Variants in PLXDC2 observed in about 807,000 individuals in gnomAD.
PLXDC2 encodes the protein plexin domain containing 2.
Under a neutral mutation model 68.9 loss-of-function variants are expected in PLXDC2, and 40 were observed. The observed-to-expected ratio is 0.58, with a 90% CI of 0.45 to 0.76. PLXDC2 has a LOEUF of 0.76. PLXDC2 is among the 30% of genes least tolerant of loss of function. PLXDC2 has a pLI of 0.00. For missense variants in PLXDC2, 644 were observed against 661.9 expected (o/e 0.97, Z 0.30); for synonymous variants, 243 against 234.2 (o/e 1.04, Z -0.34).
At chr10:19,858,430 A>T (rs1046451870) in intron 1 of PLXDC2, among the ~76,000 whole-genome samples, 3 of 152,236 alleles carry the variant, frequency 2.0e-5, no homozygotes, top group Admixed American at 6.5e-5. Context: ...GAAGGGAAGA[A>T]TTCTTGAAAT....
At chr10:20,086,020 T>C (rs1490685418) in intron 4 of PLXDC2, among the ~76,000 whole-genome samples, 1 of 152,232 alleles carries the variant, frequency 6.6e-6, no homozygotes, top group African/African-American at 2.4e-5. Flanking sequence ...GCTTGACAAA[T>C]TCAGATTTAG....
chr10:19,928,583 G>T (rs964162498), intron 1 of PLXDC2, among the ~76,000 whole-genome samples: 1 of 152,084 alleles, frequency 6.6e-6, no homozygotes, highest in Non-Finnish European at 1.5e-5. Context: ...AGACCATCCC[G>T]TGATGAAGTG....
intron 6 of PLXDC2, among the ~76,000 whole-genome samples, chr10:20,149,386 G>GC (rs968486823): frequency 7.3e-5 from 11 of 151,662 alleles, no homozygotes; most frequent in Admixed American, 4.6e-4. Flanking sequence ...TTACAGGCAT[G>GC]CACCACCATG....
chr10:20,045,337 AT>A (rs1305890116), intron 2 of PLXDC2, among the ~76,000 whole-genome samples: 1 of 152,092 alleles, frequency 6.6e-6, no homozygotes, highest in Non-Finnish European at 1.5e-5. Context: ...CACCCGGCTA[AT>A]TTTTGTATTT....
intron 1 of PLXDC2, among the ~76,000 whole-genome samples, chr10:19,841,225 C>T (rs1027689656): frequency 3.9e-5 from 6 of 152,090 alleles, no homozygotes; most frequent in African/African-American, 1.4e-4. Flanking sequence ...ATTCATTTGA[C>T]CATCATCACA....
At chr10:20,176,229 T>G (rs11011840) in intron 7 of PLXDC2, among the ~76,000 whole-genome samples, 39,801 of 151,940 alleles carry the variant, frequency 0.26, 6,013 homozygotes, top group East Asian at 0.49. Context: ...ATTTTTAAAG[T>G]GATTTAACTT....
chr10:19,890,820 G>A (rs79487053), intron 1 of PLXDC2, among the ~76,000 whole-genome samples: 2,604 of 149,332 alleles, frequency 0.017, 29 homozygotes, highest in Admixed American at 0.026. Context: ...AGTTAGATGT[G>A]TATGCATCTG....
intron 9 of PLXDC2, among the ~76,000 whole-genome samples, chr10:20,179,055 A>G (rs2131827964): frequency 6.6e-6 from 1 of 152,270 alleles, no homozygotes; most frequent in South Asian, 2.1e-4. Context: ...AGGGAATCTA[A>G]AGAGACGGCA....
chr10:20,090,695 A>C (rs975962298), intron 4 of PLXDC2, among the ~76,000 whole-genome samples: 1 of 152,166 alleles, frequency 6.6e-6, no homozygotes, highest in African/African-American at 2.4e-5. Context: ...ATACTTGTGA[A>C]TATTCCATTA....
At chr10:19,952,101 A>G (rs906693304) in intron 1 of PLXDC2, among the ~76,000 whole-genome samples, 1 of 152,176 alleles carries the variant, frequency 6.6e-6, no homozygotes, top group African/African-American at 2.4e-5. Flanking sequence ...ATCATGCCAT[A>G]TACCCTTGTA....
At chr10:20,040,142 A>C (rs901052223) in intron 2 of PLXDC2, among the ~76,000 whole-genome samples, 4 of 152,126 alleles carry the variant, frequency 2.6e-5, no homozygotes, top group Non-Finnish European at 5.9e-5. Context: ...TCAGCTCTGG[A>C]AAACAAGAAA....
At chr10:19,897,791 G>A (rs956185806) in intron 1 of PLXDC2, among the ~76,000 whole-genome samples, 1 of 152,096 alleles carries the variant, frequency 6.6e-6, no homozygotes, top group African/African-American at 2.4e-5. Flanking sequence ...AGCAATAGAT[G>A]TTGCATCTCC....
At position 20,289,415 on chromosome 10, in the gene PLXDC2, G is replaced by T. The variant is rs1836201395; in HGVS notation, c.*9596G>T. 1 of 152,206 alleles carries T rather than the reference G, an allele frequency of 6.6e-6. No homozygotes were observed. The highest frequency in any genetic ancestry group is 2.4e-5 in the African/African-American group (1 of 41,438). The allele number at this position is 152,206 out of a possible 1,614,324, so 9.4% of individuals were successfully genotyped here. The stretch of plus-strand genomic sequence containing the variant: ...GTCAAGGTACTTCAGTTCAGCTCTT[G>T]CCTCTGTCACTAATCTTGCTTTATG... On this transcript the variant is annotated 3_prime_UTR_variant, in exon 14 of 14. Transcript: ENST00000377252.
At chr10:20,008,521 C>T (rs953783078) in intron 2 of PLXDC2, among the ~76,000 whole-genome samples, 3 of 151,984 alleles carry the variant, frequency 2.0e-5, no homozygotes, top group Admixed American at 6.6e-5. Flanking sequence ...TCATGACACT[C>T]CAGCCTGGGT....
intron 1 of PLXDC2, among the ~76,000 whole-genome samples, chr10:19,959,235 T>C (rs990153424): frequency 1.3e-5 from 2 of 152,196 alleles, no homozygotes; most frequent in Non-Finnish European, 2.9e-5. Flanking sequence ...TACAAAACTG[T>C]TGAATGATTT....
chr10:20,043,304 G>A (rs1451364024), intron 2 of PLXDC2: 8 of 152,120 alleles, frequency 5.3e-5, no homozygotes, highest in East Asian at 1.9e-4. Flanking sequence ...CTAGTATTTC[G>A]AAGATGTGAT....
intron 12 of PLXDC2, among the ~76,000 whole-genome samples, chr10:20,228,583 G>T (rs886837962): frequency 5.3e-5 from 7 of 131,286 alleles, no homozygotes; most frequent in African/African-American, 8.3e-5. Flanking sequence ...AAGAAAAAAG[G>T]CAGGAAGGCA....
chr10:20,184,124 G>GA (rs1261411005), intron 9 of PLXDC2, among the ~76,000 whole-genome samples: 1 of 151,630 alleles, frequency 6.6e-6, no homozygotes, highest in Non-Finnish European at 1.5e-5. Flanking sequence ...TGAGATGATG[G>GA]AAAAAAGATA....
At position 20,045,641 on chromosome 10, in the gene PLXDC2, TA is replaced by T. The variant is rs746477544; in HGVS notation, c.325-1219del. Among the ~76,000 whole-genome samples the T allele has an allele frequency of 8.0e-4, 121 of 151,192 alleles. 1 individual carries two copies. The South Asian group carries it at 0.01, about 13-fold the overall frequency. On this transcript the variant is annotated intron_variant, in intron 2 of 13. Coordinates refer to ENST00000377252, the MANE Select transcript of PLXDC2 (RefSeq NM_032812.9). ...ATATATATCTTGATTGATGATTTGT[TA>T]AAAAAAAATACATGGGATTCATGTT...
Sources: allele counts gnomAD v4.1 joint callset (sites outside exome capture counted in the v4.1 genomes callset), GRCh38; gene constraint gnomAD v4.1.1; transcripts MANE v1.5; gene names NCBI Gene and HGNC (gene_info 2026-07-23, HGNC 2026-07-21).